B3GALT1: variants seen among roughly 807,000 people sequenced by gnomAD.
B3GALT1 encodes the protein beta-1,3-galactosyltransferase 1.
Under a neutral mutation model 23.2 loss-of-function variants are expected in B3GALT1, and 10 were observed. The ratio of observed to expected loss-of-function variants is 0.43; its 90% CI spans 0.27 to 0.73. The LOEUF is 0.73. Among genes scored for constraint, B3GALT1 ranks in the 30% least tolerant of loss-of-function variants. The pLI, the probability that B3GALT1 is intolerant of heterozygous loss-of-function variation, is 0.21. For missense variants in B3GALT1, 299 were observed against 405.4 expected (o/e 0.74, Z 2.25); for synonymous variants, 156 against 141.5 (o/e 1.10, Z -0.73).
intron 2 of B3GALT1, among the ~76,000 whole-genome samples, chr2:167,513,267 CATG>C (rs148912431): frequency 0.036 from 5,453 of 152,056 alleles, 175 homozygotes; most frequent in African/African-American, 0.086. Context: ...CTTCACCTAA[CATG>C]GAGAATGGGA....
chr2:167,584,060 G>T (rs1212812666), intron 2 of B3GALT1, among the ~76,000 whole-genome samples: 1 of 152,118 alleles, frequency 6.6e-6, no homozygotes, highest in African/African-American at 2.4e-5. Context: ...TGGGGGAGCA[G>T]GGAACTAAGA....
chr2:167,662,704 G>A (rs1231840367), intron 3 of B3GALT1, among the ~76,000 whole-genome samples: 3 of 151,460 alleles, frequency 2.0e-5, no homozygotes, highest in African/African-American at 4.8e-5. Flanking sequence ...GAGGAAAAGT[G>A]AAAGACCATA....
At chr2:167,831,914 C>T (rs796144953) in intron 4 of B3GALT1, among the ~76,000 whole-genome samples, 5 of 152,276 alleles carry the variant, frequency 3.3e-5, no homozygotes, top group African/African-American at 1.2e-4. Flanking sequence ...GTGGTAAAAC[C>T]TGAGACCTAA....
chr2:167,538,629 G>A (rs2105372315), intron 2 of B3GALT1, among the ~76,000 whole-genome samples: 1 of 152,294 alleles, frequency 6.6e-6, no homozygotes, highest in East Asian at 1.9e-4. Context: ...TCTGTTCACA[G>A]GAGATGTCTT....
At chr2:167,564,515 C>T (rs1035343633) in intron 2 of B3GALT1, among the ~76,000 whole-genome samples, 10 of 152,212 alleles carry the variant, frequency 6.6e-5, no homozygotes, top group South Asian at 2.1e-4. Context: ...GGCAGGACGC[C>T]GGGAGGTGGA....
intron 1 of B3GALT1, among the ~76,000 whole-genome samples, chr2:167,458,102 A>G (rs966982560): frequency 2.0e-5 from 3 of 152,140 alleles, no homozygotes; most frequent in East Asian, 3.9e-4. Context: ...TTCTATACCA[A>G]TTAGACAATA....
intron 2 of B3GALT1, among the ~76,000 whole-genome samples, chr2:167,545,314 C>T (rs763049578): frequency 4.6e-5 from 7 of 151,950 alleles, no homozygotes; most frequent in Non-Finnish European, 1.0e-4. Context: ...GGATTACAGG[C>T]GTGAGCCACC....
intron 2 of B3GALT1, among the ~76,000 whole-genome samples, chr2:167,592,337 G>C (rs1684700321): frequency 6.6e-6 from 1 of 152,102 alleles, no homozygotes; most frequent in Admixed American, 6.5e-5. Flanking sequence ...AATCTAAGAG[G>C]ATCTCTCTCA....
intron 1 of B3GALT1, among the ~76,000 whole-genome samples, chr2:167,323,712 C>T (rs990871736): frequency 2.0e-5 from 3 of 152,134 alleles, no homozygotes; most frequent in African/African-American, 4.8e-5. Context: ...TTCTGTTTCC[C>T]ATTCATAAAA....
At chr2:167,392,705 G>T (rs569407314) in intron 1 of B3GALT1, among the ~76,000 whole-genome samples, 42 of 151,960 alleles carry the variant, frequency 2.8e-4, no homozygotes, top group African/African-American at 9.9e-4. Flanking sequence ...CAGTGTTTTT[G>T]GGGAAAAAAC....
rs1688013417 is a variant in B3GALT1 at position 167,768,420 on chromosome 2, G to A, written c.-351-50252G>A. On this transcript the variant is annotated intron_variant, in intron 3 of 4. Coordinates refer to ENST00000392690, the MANE Select transcript of B3GALT1 (RefSeq NM_020981.4). Reference sequence around the variant, plus strand: ...TTCTTTAAAGAAAATAGTCATCATGGTCTGAAAAATGGTAGGCCAAAAAAC... The same window carrying A: ...TTCTTTAAAGAAAATAGTCATCATGATCTGAAAAATGGTAGGCCAAAAAAC... Among the ~76,000 whole-genome samples, 3 of 152,004 alleles carry A rather than the reference G, an allele frequency of 2.0e-5. No homozygotes were observed. The South Asian group carries it at 6.2e-4, about 32-fold the overall frequency.
intron 3 of B3GALT1, among the ~76,000 whole-genome samples, chr2:167,656,516 A>C (rs1383022340): frequency 6.6e-6 from 1 of 152,172 alleles, no homozygotes; most frequent in Non-Finnish European, 1.5e-5. Flanking sequence ...CATTTTCCTG[A>C]AAACTCTAAG....
intron 2 of B3GALT1, among the ~76,000 whole-genome samples, chr2:167,492,427 T>C (rs560585547): frequency 6.6e-6 from 1 of 152,266 alleles, no homozygotes; most frequent in Non-Finnish European, 1.5e-5. Context: ...CTTTTTTAAG[T>C]CACTGTAAAT....
intron 3 of B3GALT1, among the ~76,000 whole-genome samples, chr2:167,665,332 A>T: frequency 8.1e-6 from 1 of 122,964 alleles, no homozygotes; most frequent in Non-Finnish European, 1.7e-5. Flanking sequence ...CATGGTGGAT[A>T]AGCTTTTTGA....
chr2:167,615,494 TA>T (rs1685144628), intron 2 of B3GALT1, among the ~76,000 whole-genome samples: 1 of 152,040 alleles, frequency 6.6e-6, no homozygotes, highest in African/African-American at 2.4e-5. Context: ...CGACAGTTAA[TA>T]ATAATGTATT....
chr2:167,651,495 T>C (rs1259707562), intron 3 of B3GALT1, among the ~76,000 whole-genome samples: 1 of 152,114 alleles, frequency 6.6e-6, no homozygotes, highest in Non-Finnish European at 1.5e-5. Flanking sequence ...TCAACATAGT[T>C]GTTTCTTCAT....
chr2:167,670,653 A>G (rs529934057), intron 3 of B3GALT1, among the ~76,000 whole-genome samples: 13 of 152,336 alleles, frequency 8.5e-5, no homozygotes, highest in South Asian at 2.1e-4. Flanking sequence ...AGATAACTCA[A>G]TGAAATAGGG....
intron 3 of B3GALT1, among the ~76,000 whole-genome samples, chr2:167,675,844 C>A (rs1686415677): frequency 6.6e-6 from 1 of 151,446 alleles, no homozygotes; most frequent in South Asian, 2.1e-4. Flanking sequence ...TATGGAAACC[C>A]ATGCAGGATC....
chr2:167,546,252 T>C (rs1683633700), intron 2 of B3GALT1, among the ~76,000 whole-genome samples: 1 of 152,226 alleles, frequency 6.6e-6, no homozygotes, highest in Non-Finnish European at 1.5e-5. Flanking sequence ...CTCTCTCAGC[T>C]ATGATATATG....
Sources: allele counts gnomAD v4.1 joint callset (sites outside exome capture counted in the v4.1 genomes callset), GRCh38; gene constraint gnomAD v4.1.1; transcripts MANE v1.5; gene names NCBI Gene and HGNC (gene_info 2026-07-23, HGNC 2026-07-21).